PCDH9: variants seen among roughly 807,000 people sequenced by gnomAD.
PCDH9 encodes the protein protocadherin 9, also known as protocadherin-9.
In PCDH9, 24 loss-of-function variants were observed where a neutral mutation model predicts 70.6. The observed-to-expected ratio is 0.34, with a 90% CI of 0.25 to 0.48. PCDH9 has a LOEUF of 0.48. PCDH9 is among the 20% of genes least tolerant of loss of function. The probability of loss-of-function intolerance (pLI) is 0.99; values close to 1 mark genes in which losing one functional copy is unlikely to be tolerated. For missense variants in PCDH9, 1,281 were observed against 1,503.6 expected, an observed-to-expected ratio of 0.85 and a Z score of 2.45; for synonymous variants, 562 against 558.5, an observed-to-expected ratio of 1.01 and a Z score of -0.09.
At chr13:66,968,271 A>C (rs1203315376) in intron 2 of PCDH9, among the ~76,000 whole-genome samples, 1 of 151,988 alleles carries the variant, frequency 6.6e-6, no homozygotes, top group East Asian at 1.9e-4. Flanking sequence ...ATGTCTCTTA[A>C]AATGCAGTGT....
At chr13:66,834,185 T>A (rs1339256409) in intron 3 of PCDH9, among the ~76,000 whole-genome samples, 1 of 135,304 alleles carries the variant, frequency 7.4e-6, no homozygotes, top group Non-Finnish European at 1.5e-5. Flanking sequence ...TGAGACAGAG[T>A]CTCACTCTAT....
At chr13:66,439,499 T>A (rs1252894084) in intron 4 of PCDH9, among the ~76,000 whole-genome samples, 3 of 152,192 alleles carry the variant, frequency 2.0e-5, no homozygotes. Context: ...TTGGCTTAAC[T>A]GTATTCAATC....
chr13:66,873,355 C>G (rs1007957300), intron 3 of PCDH9, among the ~76,000 whole-genome samples: 9 of 152,068 alleles, frequency 5.9e-5, no homozygotes, highest in Non-Finnish European at 1.3e-4. Flanking sequence ...CTTCATCCTA[C>G]ATTTAAAGTA....
intron 2 of PCDH9, among the ~76,000 whole-genome samples, chr13:67,096,787 T>C (rs539696335): frequency 1.3e-5 from 2 of 152,268 alleles, no homozygotes; most frequent in Non-Finnish European, 2.9e-5. Flanking sequence ...GGAAACTGCA[T>C]GTGTGAGGGC....
At chr13:66,340,176 C>T (rs752594095) in intron 4 of PCDH9, among the ~76,000 whole-genome samples, 1 of 152,096 alleles carries the variant, frequency 6.6e-6, no homozygotes, top group Non-Finnish European at 1.5e-5. Context: ...TCAAATTAAA[C>T]TGTTTATATG....
At chr13:67,188,378 C>T (rs1433449185) in intron 2 of PCDH9, among the ~76,000 whole-genome samples, 2 of 151,914 alleles carry the variant, frequency 1.3e-5, no homozygotes, top group Non-Finnish European at 2.9e-5. Flanking sequence ...TTTTTCAAAA[C>T]ATATTTTGGT....
intron 3 of PCDH9, among the ~76,000 whole-genome samples, chr13:66,732,191 C>A (rs531305516): frequency 2.0e-5 from 3 of 151,596 alleles, no homozygotes; most frequent in South Asian, 4.2e-4. Context: ...TATTTTGATA[C>A]CTGTGTAAGA....
rs201068465 is a variant in PCDH9, at chr13:67,121,075, T to A, written c.3036+104330A>T. On this transcript the variant is annotated intron_variant, in intron 2 of 4. Coordinates refer to ENST00000377865, the MANE Select transcript of PCDH9 (RefSeq NM_203487.3). ...CTGAAGACACAAATTAATGACAAAGTCACGCAAATGACTCAGCATAGAGAA... is the reference window on the plus strand; with the variant it reads ...CTGAAGACACAAATTAATGACAAAGACACGCAAATGACTCAGCATAGAGAA... 3.9e-5 allele frequency among the ~76,000 whole-genome samples: 6 copies of A among 152,130 alleles called. No homozygotes were observed. The East Asian group carries it at 1.2e-3, about 29-fold the overall frequency.
chr13:66,659,107 C>T lies in PCDH9; in HGVS notation c.3139-27696G>A, dbSNP rs1169123861. Reference sequence around the variant, plus strand: ...ACAAAAAGCAAAGCCTAAATTATCACAGATGATGAGAAAATTAACCGAAAT... The same window carrying T: ...ACAAAAAGCAAAGCCTAAATTATCATAGATGATGAGAAAATTAACCGAAAT... On this transcript the variant is annotated intron_variant, in intron 3 of 4. Transcript: ENST00000377865. 1.1e-4 allele frequency among the ~76,000 whole-genome samples: 17 copies of T among 152,122 alleles called. No individual in the cohort carries two copies. The East Asian group carries it at 2.7e-3, about 24-fold the overall frequency.
chr13:67,004,822 G>A (rs2084318267), intron 2 of PCDH9, among the ~76,000 whole-genome samples: 1 of 151,940 alleles, frequency 6.6e-6, no homozygotes, highest in African/African-American at 2.4e-5. Context: ...ATGATTAAAT[G>A]AGATATTTTA....
chr13:66,912,906 T>C (rs2082492919), intron 2 of PCDH9, among the ~76,000 whole-genome samples: 2 of 152,040 alleles, frequency 1.3e-5, no homozygotes, highest in Non-Finnish European at 2.9e-5. Flanking sequence ...TGAATATAAT[T>C]TCTAGTATTT....
chr13:66,807,388 T>C (rs1239098299), intron 3 of PCDH9, among the ~76,000 whole-genome samples: 2 of 152,144 alleles, frequency 1.3e-5, no homozygotes, highest in Non-Finnish European at 2.9e-5. Context: ...ACTGAAAAAT[T>C]TGAAATAATC....
At chr13:66,744,638 C>G (rs577696325) in intron 3 of PCDH9, among the ~76,000 whole-genome samples, 4 of 151,986 alleles carry the variant, frequency 2.6e-5, no homozygotes, top group African/African-American at 9.6e-5. Flanking sequence ...ATAATATATA[C>G]ATATATATAA....
chr13:66,787,783 G>A (rs928999977), intron 3 of PCDH9, among the ~76,000 whole-genome samples: 3 of 151,992 alleles, frequency 2.0e-5, no homozygotes, highest in Non-Finnish European at 2.9e-5. Flanking sequence ...ATCAGTTGGC[G>A]ACCCAGTGCC....
chr13:66,305,553 TG>T (rs1293275781), intron 4 of PCDH9, among the ~76,000 whole-genome samples: 3 of 151,866 alleles, frequency 2.0e-5, no homozygotes, highest in African/African-American at 7.3e-5. Flanking sequence ...TATAAAATAT[TG>T]TTTTTTTCTA....
chr13:66,313,883 AGAC>A (rs1955606099), intron 4 of PCDH9, among the ~76,000 whole-genome samples: 1 of 152,220 alleles, frequency 6.6e-6, no homozygotes, highest in African/African-American at 2.4e-5. Context: ...AAGGATTTAA[AGAC>A]ATAATAATTT....
chr13:66,626,259 A>C (rs2077497680), intron 4 of PCDH9, among the ~76,000 whole-genome samples: 1 of 152,158 alleles, frequency 6.6e-6, no homozygotes, highest in Non-Finnish European at 1.5e-5. Context: ...GTTGAGCAGA[A>C]CTCAGAGAAA....
chr13:67,092,047 CTCTAA>C (rs1233112178), intron 2 of PCDH9, among the ~76,000 whole-genome samples: 3 of 152,124 alleles, frequency 2.0e-5, no homozygotes, highest in Middle Eastern at 3.2e-3. Flanking sequence ...CTTGGAGATA[CTCTAA>C]TCTAGTTTCT....
Position 67,228,452 on chromosome 13 carries a change from T to C in PCDH9, c.-12A>G. The C allele has an allele frequency of 1.3e-6, 2 of 1,535,392 alleles. No homozygotes were observed. Among genetic ancestry groups the C allele is most frequent in the Non-Finnish European group, 1.7e-6 (2 of 1,144,836 alleles). ...TCCCTCAGGTCCATGATAATGTATT[T>C]ATTTTCTTTTCCTGGATTTTAGGGT... On this transcript the variant is annotated 5_prime_UTR_variant, in exon 2 of 5. It adds an upstream start codon to the 5' untranslated region. Coordinates refer to ENST00000377865, the MANE Select transcript of PCDH9 (RefSeq NM_203487.3).
Sources: allele counts gnomAD v4.1 joint callset (sites outside exome capture counted in the v4.1 genomes callset), GRCh38; gene constraint gnomAD v4.1.1; transcripts MANE v1.5; gene names NCBI Gene and HGNC (gene_info 2026-07-23, HGNC 2026-07-21).